GALNT2: variants seen among roughly 807,000 people sequenced by gnomAD.
GALNT2 encodes polypeptide N-acetylgalactosaminyltransferase 2.
GALNT2 carries 31 observed loss-of-function variants against 81.4 expected under a neutral mutation model. The observed-to-expected ratio is 0.38, with a 90% CI of 0.29 to 0.51. GALNT2 has a LOEUF of 0.51. Among genes scored for constraint, GALNT2 ranks in the 20% least tolerant of loss-of-function variants. GALNT2 has a pLI of 0.87. For synonymous variants in GALNT2, 303 were observed against 287.4 expected (o/e 1.05, Z -0.55); for missense variants, 629 against 765.7 (o/e 0.82, Z 2.11).
chr1:230,093,001 C>G, intron 1 of GALNT2, among the ~76,000 whole-genome samples: 1 of 152,158 alleles, frequency 6.6e-6, no homozygotes, highest in East Asian at 1.9e-4. Flanking sequence ...CATAATCCTG[C>G]GTGGCAGGTA....
intron 1 of GALNT2, among the ~76,000 whole-genome samples, chr1:230,114,835 A>G (rs1660798978): frequency 6.6e-6 from 1 of 152,128 alleles, no homozygotes; most frequent in South Asian, 2.1e-4. Context: ...TTTTTAGAGC[A>G]GTTTTGGGTT....
chr1:230,273,997 G>A (rs1262969979), intron 14 of GALNT2, among the ~76,000 whole-genome samples: 1 of 152,178 alleles, frequency 6.6e-6, no homozygotes, highest in Non-Finnish European at 1.5e-5. Flanking sequence ...ATTCATCAAT[G>A]CTGTTTGCAG....
rs749656129 is a variant in GALNT2, at chr1:230,279,930, G to A, written c.*472G>A. The A allele has an allele frequency of 1.8e-5, 8 of 456,564 alleles. No homozygotes were observed. The highest frequency in any genetic ancestry group is 3.5e-5 in the Non-Finnish European group (8 of 227,268). The allele number at this position is 456,564 out of a possible 1,614,324, so 28.3% of individuals were successfully genotyped here. ...TTTCCACAAAGCCGAGTCGTGTCAC[G>A]TGGCAGGTTTACGTCAATAGTCCCT... On this transcript the variant is annotated 3_prime_UTR_variant, in exon 16 of 16. Coordinates refer to ENST00000366672, the MANE Select transcript of GALNT2 (RefSeq NM_004481.5). This position sits in a 1 kb window ranked among gnomAD's most constrained non-coding sequence, Gnocchi z 4.6.
intron 11 of GALNT2, chr1:230,258,938 A>T (rs1427953326): frequency 6.6e-6 from 1 of 152,252 alleles, no homozygotes; most frequent in African/African-American, 2.4e-5. Context: ...AAACATTTTC[A>T]AATTGTATTT....
In GALNT2 at chr1:230,067,288, G is replaced by A. The variant is rs1258172396; in HGVS notation, c.8G>A (p.Arg3Gln). 4 of 1,356,362 alleles carry A rather than the reference G, an allele frequency of 2.9e-6. No homozygotes were observed. The highest frequency in any genetic ancestry group is 3.4e-5 in the East Asian group (1 of 29,318). 84.0% of individuals were successfully genotyped at this position (1,356,362 alleles called of 1,614,324 possible). A position where few individuals can be genotyped will look rare whatever the true frequency, so the allele number is the denominator to read the frequency against. Residue 3 changes from arginine (R) to glutamine (Q), a missense_variant, in exon 1 of 16, where the codon CGG becomes CAG. This residue lies in a region of GALNT2 where 62 missense variants were observed against 47.3 expected (regional missense o/e 1.31). Transcript: ENST00000366672. MRRRSRMLLCFAF... is the reference protein window; with the variant it reads MRQRSRMLLCFAF... ...GGCGGCCGAGTTGGGAGAATGCGGCGGCGCTCGCGGATGCTGCTCTGCTTC... is the reference window on the plus strand; with the variant it reads ...GGCGGCCGAGTTGGGAGAATGCGGCAGCGCTCGCGGATGCTGCTCTGCTTC...
chr1:230,236,478 C>T, intron 5 of GALNT2, 58 bp downstream of exon 5: 1 of 1,560,980 alleles, frequency 6.4e-7, no homozygotes, highest in Non-Finnish European at 8.8e-7. Context: ...CACCAGTCTT[C>T]CTGTAGTGGG....
chr1:230,059,795 C>T (rs1030570020), intron 1 of GALNT2, among the ~76,000 whole-genome samples: 2 of 152,014 alleles, frequency 1.3e-5, no homozygotes, highest in East Asian at 3.8e-4. Context: ...TTTTATCATT[C>T]TCTCTCTATA....
intron 15 of GALNT2, among the ~76,000 whole-genome samples, chr1:230,278,566 T>G (rs1228404863): frequency 1.3e-5 from 2 of 152,124 alleles, no homozygotes; most frequent in Non-Finnish European, 2.9e-5. Flanking sequence ...TGAGTGTTAG[T>G]AAAGAGGCAT....
chr1:230,068,364 C>T (rs1213716124), intron 1 of GALNT2, among the ~76,000 whole-genome samples: 1 of 152,238 alleles, frequency 6.6e-6, no homozygotes, highest in Non-Finnish European at 1.5e-5. Flanking sequence ...GGGCGTCGGG[C>T]TGTGTGCTGG....
chr1:230,239,849 C>T (rs1231384838), intron 6 of GALNT2, among the ~76,000 whole-genome samples: 1 of 152,136 alleles, frequency 6.6e-6, no homozygotes, highest in Non-Finnish European at 1.5e-5. Flanking sequence ...TGCACAGTTG[C>T]CCTGAGAATT....
chr1:230,154,576 A>G (rs945379071), intron 1 of GALNT2, among the ~76,000 whole-genome samples: 5 of 152,244 alleles, frequency 3.3e-5, no homozygotes, highest in African/African-American at 1.2e-4. Context: ...ATATAATCAA[A>G]TTAAAATGTG....
intron 3 of GALNT2, among the ~76,000 whole-genome samples, chr1:230,216,017 A>T (rs1664380896): frequency 6.6e-6 from 1 of 152,224 alleles, no homozygotes; most frequent in South Asian, 2.1e-4. Flanking sequence ...GTTTTATCAT[A>T]GAACCAAAAA....
At chr1:230,158,726 C>G (rs952207307) in intron 1 of GALNT2, among the ~76,000 whole-genome samples, 1 of 152,250 alleles carries the variant, frequency 6.6e-6, no homozygotes, top group Non-Finnish European at 1.5e-5. Context: ...CTTTCAGGTC[C>G]TTTCTCTCCT....
chr1:230,083,878 A>G (rs1659822217), intron 1 of GALNT2, among the ~76,000 whole-genome samples: 1 of 152,110 alleles, frequency 6.6e-6, no homozygotes, highest in Non-Finnish European at 1.5e-5. Context: ...GAGGGGGCCC[A>G]CTGTCTGTGT....
chr1:230,108,980 A>T lies in GALNT2; in HGVS notation c.126+41574A>T, dbSNP rs115270837. Among the ~76,000 whole-genome samples, 410 of 152,356 alleles carry T rather than the reference A, an allele frequency of 2.7e-3. 2 individuals carry two copies. The highest frequency in any genetic ancestry group is 9.6e-3 in the African/African-American group (401 of 41,588). Reference sequence around the variant, plus strand: ...CCATGGTAAGTTGGAGACCATCTGAATAACAGGATGAGATGTAGAGCAGGA... The same window carrying T: ...CCATGGTAAGTTGGAGACCATCTGATTAACAGGATGAGATGTAGAGCAGGA... On this transcript the variant is annotated intron_variant, in intron 1 of 15. Coordinates refer to ENST00000366672, the MANE Select transcript of GALNT2 (RefSeq NM_004481.5).
intron 1 of GALNT2, among the ~76,000 whole-genome samples, chr1:230,126,074 G>A (rs1177250683): frequency 6.6e-6 from 1 of 152,256 alleles, no homozygotes; most frequent in Non-Finnish European, 1.5e-5. Context: ...GGAGCGAGGA[G>A]CAGGGAGGCC....
At chr1:230,136,943 G>C (rs10864704) in intron 1 of GALNT2, among the ~76,000 whole-genome samples, 62,066 of 151,950 alleles carry the variant, frequency 0.41, 13,413 homozygotes, top group African/African-American at 0.55. Flanking sequence ...TCACCTCACG[G>C]ACAGCGAAGC....
intron 1 of GALNT2, among the ~76,000 whole-genome samples, chr1:230,114,512 T>C (rs1282645222): frequency 3.3e-5 from 5 of 152,244 alleles, no homozygotes; most frequent in African/African-American, 9.6e-5. Flanking sequence ...GGAGGGATTC[T>C]CAGCGAGAGG....
intron 3 of GALNT2, among the ~76,000 whole-genome samples, chr1:230,208,712 A>G (rs1664141203): frequency 6.6e-6 from 1 of 152,188 alleles, no homozygotes; most frequent in African/African-American, 2.4e-5. Flanking sequence ...ATTGCGTACT[A>G]TTTTAGGCTG....
Sources: allele counts gnomAD v4.1 joint callset (sites outside exome capture counted in the v4.1 genomes callset), GRCh38; gene constraint gnomAD v4.1.1; regional missense constraint gnomAD v4.1.1; non-coding constraint Gnocchi (gnomAD v3.1); transcripts MANE v1.5; gene names NCBI Gene and HGNC (gene_info 2026-07-23, HGNC 2026-07-21).